PTPRD: variants seen among roughly 807,000 people sequenced by gnomAD.
PTPRD encodes the protein receptor-type tyrosine-protein phosphatase delta.
In PTPRD, 34 loss-of-function variants were observed where a neutral mutation model predicts 214.5. That is an observed-to-expected ratio of 0.16 (90% CI 0.12 to 0.21). The LOEUF is 0.21. Among genes scored for constraint, PTPRD ranks in the 10% least tolerant of loss-of-function variants. The pLI is 1.00. For synonymous variants in PTPRD, 1,128 were observed against 845.7 expected (o/e 1.33, Z -5.79); for missense variants, 2,545 against 2,398.7 (o/e 1.06, Z -1.27).
intron 10 of PTPRD, among the ~76,000 whole-genome samples, chr9:9,039,726 A>T (rs562228176): frequency 6.6e-6 from 1 of 152,274 alleles, no homozygotes; most frequent in East Asian, 1.9e-4. Context: ...TTTTGACTCA[A>T]TGTTGTTTGT....
At chr9:9,220,310 C>CTTTTT (rs57322129) in intron 9 of PTPRD, among the ~76,000 whole-genome samples, 24 of 117,820 alleles carry the variant, frequency 2.0e-4, no homozygotes, top group African/African-American at 6.0e-4. Context: ...CTTGCTTTTG[C>CTTTTT]TTTTTTTTTA....
intron 3 of PTPRD, among the ~76,000 whole-genome samples, chr9:10,306,497 TG>T (rs1334010565): frequency 1.3e-5 from 2 of 152,090 alleles, no homozygotes; most frequent in Admixed American, 6.6e-5. Flanking sequence ...TTATTTTTCC[TG>T]TCACCACACA....
chr9:9,081,909 T>C (rs1336199822), intron 10 of PTPRD, among the ~76,000 whole-genome samples: 1 of 150,904 alleles, frequency 6.6e-6, no homozygotes. Flanking sequence ...GCACGTGAGG[T>C]GGGTCTTAGT....
chr9:8,928,904 C>T (rs990976707), intron 11 of PTPRD, among the ~76,000 whole-genome samples: 13 of 152,108 alleles, frequency 8.5e-5, no homozygotes, highest in South Asian at 2.1e-4. Flanking sequence ...AGAAGTCCTT[C>T]GCATCCCTCG....
At chr9:10,010,210 C>T (rs2096567538) in intron 4 of PTPRD, among the ~76,000 whole-genome samples, 1 of 151,858 alleles carries the variant, frequency 6.6e-6, no homozygotes, top group Non-Finnish European at 1.5e-5. Flanking sequence ...AAACTGCAAT[C>T]CACATGTCTC....
intron 11 of PTPRD, among the ~76,000 whole-genome samples, chr9:8,865,604 T>C (rs868107087): frequency 2.6e-5 from 4 of 152,278 alleles, no homozygotes; most frequent in Middle Eastern, 6.8e-3. Flanking sequence ...TTATTGTGTA[T>C]AATTTCACCC....
intron 14 of PTPRD, among the ~76,000 whole-genome samples, chr9:8,592,235 T>A (rs1370344818): frequency 2.0e-5 from 3 of 152,152 alleles, no homozygotes; most frequent in Non-Finnish European, 2.9e-5. Flanking sequence ...AGTTTCACTC[T>A]TCAAACAACT....
chr9:10,106,247 T>C (rs2098631310), intron 3 of PTPRD, among the ~76,000 whole-genome samples: 1 of 151,888 alleles, frequency 6.6e-6, no homozygotes. Context: ...CAATATATTG[T>C]TCTAGGACCT....
At chr9:8,977,802 T>C (rs1048926624) in intron 11 of PTPRD, among the ~76,000 whole-genome samples, 1 of 151,934 alleles carries the variant, frequency 6.6e-6, no homozygotes, top group Non-Finnish European at 1.5e-5. Context: ...TAAATTAACT[T>C]ATCAAAGAAA....
At chr9:9,335,695 T>C (rs578092317) in intron 9 of PTPRD, among the ~76,000 whole-genome samples, 3 of 152,246 alleles carry the variant, frequency 2.0e-5, no homozygotes, top group Admixed American at 2.0e-4. Context: ...TTTTATTCCT[T>C]TCTCATTCAC....
At chr9:10,529,908 G>A (rs1191364840) in intron 2 of PTPRD, among the ~76,000 whole-genome samples, 1 of 151,346 alleles carries the variant, frequency 6.6e-6, no homozygotes, top group Non-Finnish European at 1.5e-5. Flanking sequence ...CTGTCTTGGG[G>A]TGGGGGGCAA....
intron 4 of PTPRD, among the ~76,000 whole-genome samples, chr9:9,994,643 G>A (rs1231544842): frequency 1.3e-5 from 2 of 152,142 alleles, no homozygotes; most frequent in Middle Eastern, 3.2e-3. Flanking sequence ...GTAAAAGAGA[G>A]AAAGTGGGGA....
chr9:8,758,092 C>G (rs898836321), intron 11 of PTPRD, among the ~76,000 whole-genome samples: 1 of 152,186 alleles, frequency 6.6e-6, no homozygotes, highest in African/African-American at 2.4e-5. Context: ...TCCAGCCTAC[C>G]TCATCAAAAT....
At chr9:9,712,319 T>C (rs1361542925) in intron 7 of PTPRD, among the ~76,000 whole-genome samples, 1 of 152,176 alleles carries the variant, frequency 6.6e-6, no homozygotes, top group East Asian at 1.9e-4. Context: ...GATTTTTTTC[T>C]CCTATTGCTT....
chr9:9,461,893 T>C (rs1193077207), intron 8 of PTPRD, among the ~76,000 whole-genome samples: 1 of 152,142 alleles, frequency 6.6e-6, no homozygotes, highest in Non-Finnish European at 1.5e-5. Context: ...TCAATTTAAA[T>C]ACTATCTCCT....
intron 3 of PTPRD, among the ~76,000 whole-genome samples, chr9:10,252,588 T>G (rs1014601139): frequency 6.6e-6 from 1 of 152,086 alleles, no homozygotes; most frequent in African/African-American, 2.4e-5. Context: ...TATTATGTAT[T>G]AATGATATTA....
chr9:10,265,838 T>C (rs1163652208), intron 3 of PTPRD, among the ~76,000 whole-genome samples: 1 of 152,222 alleles, frequency 6.6e-6, no homozygotes, highest in African/African-American at 2.4e-5. Flanking sequence ...CAAGATGAGC[T>C]TATTAAAATT....
rs200279244 is a variant in PTPRD at position 8,436,705 on chromosome 9, A to G, written c.3989-16T>C. 79 of 1,568,832 alleles carry G rather than the reference A, an allele frequency of 5.0e-5. No individual in the cohort carries two copies. The Admixed American group carries it at 1.3e-3, about 25-fold the overall frequency. ...CTAGCCATACCTATTGAAAAAAGCA[A>G]AGAAGAAACACATTTGAAAACAAAT... is the stretch of plus-strand genomic sequence containing the variant. On this transcript the variant is annotated splice_polypyrimidine_tract_variant and intron_variant, in intron 34 of 45. Coordinates refer to ENST00000381196, the MANE Select transcript of PTPRD (RefSeq NM_002839.4).
At chr9:9,260,537 C>A (rs1385606466) in intron 9 of PTPRD, among the ~76,000 whole-genome samples, 1 of 151,810 alleles carries the variant, frequency 6.6e-6, no homozygotes, top group Non-Finnish European at 1.5e-5. Context: ...TCCTTCCTAT[C>A]ACCTTTTTTC....
Sources: gnomAD v4.1 joint callset for allele counts (sites outside exome capture counted in the v4.1 genomes callset) on GRCh38, gnomAD v4.1.1 for gene constraint, MANE v1.5 for transcripts, NCBI Gene and HGNC (gene_info 2026-07-23, HGNC 2026-07-21) for gene names.